Variants in SIMC1 observed in about 807,000 individuals in gnomAD.
The protein encoded by SIMC1 is SUMO interacting motifs containing 1.
SIMC1 carries 55 observed loss-of-function variants against 82.3 expected under a neutral mutation model. The ratio of observed to expected loss-of-function variants is 0.67; its 90% CI spans 0.54 to 0.84. The LOEUF (loss-of-function observed/expected upper bound fraction) is 0.84. Ranked by LOEUF, SIMC1 falls within the 40% of genes least tolerant of loss-of-function variation. SIMC1 has a pLI of 0.00. For missense variants in SIMC1, 915 were observed against 1,107.2 expected, an observed-to-expected ratio of 0.83 and a Z score of 2.46; for synonymous variants, 353 against 426.3, an observed-to-expected ratio of 0.83 and a Z score of 2.12.
chr5:176,300,373 C>T (rs1763990590), intron 4 of SIMC1, among the ~76,000 whole-genome samples: 1 of 152,216 alleles, frequency 6.6e-6, no homozygotes, highest in South Asian at 2.1e-4. Context: ...GGCTGGAGCT[C>T]AGTAGCACAA....
intron 9 of SIMC1, among the ~76,000 whole-genome samples, chr5:176,337,534 C>T (rs1034941071): frequency 6.6e-6 from 1 of 152,146 alleles, no homozygotes; most frequent in Admixed American, 6.5e-5. Context: ...GCAGAGGTTG[C>T]AGTGAGCCAA....
chr5:176,313,307 T>C (rs769287427), intron 4 of SIMC1: 20 of 1,457,618 alleles, frequency 1.4e-5, no homozygotes, highest in Non-Finnish European at 1.8e-5. Context: ...ATAGGTTCAG[T>C]GAGAGGGAGA....
At chr5:176,340,171 CACCCCCT>C (rs1766069118) in intron 9 of SIMC1, among the ~76,000 whole-genome samples, 2 of 152,194 alleles carry the variant, frequency 1.3e-5, no homozygotes. Flanking sequence ...GTGAAGGTAT[CACCCCCT>C]GTTATAGATG....
At chr5:176,292,661 C>T (rs1326820984) in intron 2 of SIMC1, among the ~76,000 whole-genome samples, 1 of 152,142 alleles carries the variant, frequency 6.6e-6, no homozygotes, top group Non-Finnish European at 1.5e-5. Flanking sequence ...TCTCCTGCCA[C>T]AGCCTCCCGC....
chr5:176,308,038 A>G, intron 4 of SIMC1: 3 of 690,000 alleles, frequency 4.3e-6, no homozygotes, highest in Non-Finnish European at 8.0e-6. Context: ...CTATTTAGTA[A>G]TTAAAAGCAA....
intron 4 of SIMC1, chr5:176,313,349 AATG>A: frequency 6.7e-7 from 1 of 1,492,854 alleles, no homozygotes; most frequent in Non-Finnish European, 8.9e-7. Context: ...TCTTAAATCA[AATG>A]ATCTACAATC....
At chr5:176,293,891 A>G (rs1481098093) in intron 2 of SIMC1, among the ~76,000 whole-genome samples, 2 of 152,182 alleles carry the variant, frequency 1.3e-5, no homozygotes, top group Non-Finnish European at 2.9e-5. Flanking sequence ...TAGAGAAAAA[A>G]TCACCACTAA....
chr5:176,296,725 C>T (rs1389021338), intron 4 of SIMC1: 1 of 163,942 alleles, frequency 6.1e-6, no homozygotes, highest in East Asian at 1.7e-4. Context: ...CCATTATTCC[C>T]TCCTGATTCT....
intron 7 of SIMC1, 26 bp from the exon 8 acceptor site, chr5:176,336,694 A>C: frequency 6.2e-7 from 1 of 1,610,318 alleles, no homozygotes; most frequent in Non-Finnish European, 8.5e-7. Context: ...GTGATGATTA[A>C]CTCCCTCTTC....
intron 6 of SIMC1, among the ~76,000 whole-genome samples, chr5:176,323,630 C>G (rs374416735): frequency 1.1e-4 from 16 of 152,238 alleles, no homozygotes; most frequent in African/African-American, 3.9e-4. Flanking sequence ...AGCTGCTGGT[C>G]TGGCCCACCT....
chr5:176,244,373 A>G (rs1158805789), intron 1 of SIMC1, among the ~76,000 whole-genome samples: 3 of 135,580 alleles, frequency 2.2e-5, no homozygotes, highest in Non-Finnish European at 4.7e-5. Context: ...GCCAAGTATA[A>G]CATTTGTACT....
Position 176,322,344 on chromosome 5 carries a change from C to T in SIMC1, c.1961C>T (p.Thr654Met), listed in dbSNP as rs1429656136. The T allele has an allele frequency of 8.8e-6, 14 of 1,597,146 alleles. No individual in the cohort carries two copies. In the East Asian group the frequency reaches 2.0e-4, roughly 23 times the overall value. Residue 654 changes from threonine to methionine, a missense_variant, in exon 6 of 10, where the codon ACG (threonine) becomes ATG (methionine). This residue lies in a region of SIMC1 where 902 missense variants were observed against 1,040.3 expected (regional missense o/e 0.87). Coordinates refer to ENST00000429602, the MANE Select transcript of SIMC1 (RefSeq NM_001308195.2). ...ACTCAGCCCCCAAATGGAAATCAAA[C>T]GTCTTCAGGAACAGGAATCTTGAAA... ...GLTQPPNGNQ[T>M]SSGTGILKAS...
In SIMC1 at chr5:176,337,121, G is replaced by C; in HGVS notation, c.2388G>C (p.Leu796=). The change falls in exon 9 of 10, where the codon CTG becomes CTC. Residue 796 remains leucine (L), a synonymous_variant. Coordinates refer to ENST00000429602, the MANE Select transcript of SIMC1 (RefSeq NM_001308195.2). ...DELVEHLQFL[L]SSYQHVLREH... is the part of the protein sequence containing the mutation. ...TGGTTGAGCATCTGCAGTTTCTGCTGTCCAGTTATCAACATGTTTTAAGAG... is the reference window on the plus strand; with the variant it reads ...TGGTTGAGCATCTGCAGTTTCTGCTCTCCAGTTATCAACATGTTTTAAGAG... The C allele has an allele frequency of 6.2e-7, 1 of 1,613,976 alleles. No individual in the cohort carries two copies. Among genetic ancestry groups the C allele is most frequent in the Non-Finnish European group, 8.5e-7 (1 of 1,179,862 alleles).
At chr5:176,276,426 C>T (rs1041238100) in intron 1 of SIMC1, among the ~76,000 whole-genome samples, 2 of 150,156 alleles carry the variant, frequency 1.3e-5, no homozygotes, top group Non-Finnish European at 3.0e-5. Flanking sequence ...AAAACCAGAT[C>T]CTGGATTCAT....
At chr5:176,325,791 G>A (rs528830146) in intron 7 of SIMC1, among the ~76,000 whole-genome samples, 1 of 152,174 alleles carries the variant, frequency 6.6e-6, no homozygotes, top group Admixed American at 6.5e-5. Context: ...CCATAGGCCT[G>A]GCATAAGTGT....
intron 5 of SIMC1, among the ~76,000 whole-genome samples, chr5:176,319,705 T>G (rs1173595590): frequency 6.6e-6 from 1 of 152,210 alleles, no homozygotes; most frequent in Non-Finnish European, 1.5e-5. Context: ...TCTTCTTTCC[T>G]GGATCCATGT....
intron 1 of SIMC1, among the ~76,000 whole-genome samples, chr5:176,248,280 C>A (rs568913391): frequency 2.6e-5 from 4 of 152,068 alleles, no homozygotes; most frequent in Non-Finnish European, 5.9e-5. Flanking sequence ...TCTTTTATTT[C>A]GTTGAGCAGT....
chr5:176,247,218 C>A (rs1206845292), intron 1 of SIMC1, among the ~76,000 whole-genome samples: 1 of 152,176 alleles, frequency 6.6e-6, no homozygotes, highest in Non-Finnish European at 1.5e-5. Context: ...AATTTACACT[C>A]CCTCCAACAG....
intron 1 of SIMC1, among the ~76,000 whole-genome samples, chr5:176,275,771 C>A (rs1168592947): frequency 6.6e-6 from 1 of 151,754 alleles, no homozygotes; most frequent in Admixed American, 6.6e-5. Flanking sequence ...TGCTGGATTA[C>A]ATTTATTGAT....
Sources: allele counts gnomAD v4.1 joint callset (sites outside exome capture counted in the v4.1 genomes callset), GRCh38; gene constraint gnomAD v4.1.1; regional missense constraint gnomAD v4.1.1; transcripts MANE v1.5; gene names NCBI Gene and HGNC (gene_info 2026-07-23, HGNC 2026-07-21).